PLEKHH2: variants seen among roughly 807,000 people sequenced by gnomAD.
The protein encoded by PLEKHH2 is pleckstrin homology domain-containing family H member 2.
Under a neutral mutation model 187.9 loss-of-function variants are expected in PLEKHH2, and 129 were observed. The observed-to-expected ratio is 0.69, with a 90% CI of 0.59 to 0.79. The LOEUF is 0.79. PLEKHH2 is among the 30% of genes least tolerant of loss of function. PLEKHH2 has a pLI of 0.00. For synonymous variants in PLEKHH2, 686 were observed against 605.6 expected, an observed-to-expected ratio of 1.13 and a Z score of -1.95; for missense variants, 2,076 against 1,751.2, an observed-to-expected ratio of 1.19 and a Z score of -3.31.
chr2:43,744,026 A>C (rs2104600771), intron 23 of PLEKHH2, 37 bp downstream of exon 23: 1 of 1,598,342 alleles, frequency 6.3e-7, no homozygotes, highest in Non-Finnish European at 8.6e-7. Context: ...AAGCCCAACG[A>C]ACAGCAAAGA....
chr2:43,641,847 A>G (rs1399341353), intron 1 of PLEKHH2, among the ~76,000 whole-genome samples: 4 of 152,218 alleles, frequency 2.6e-5, no homozygotes, highest in African/African-American at 9.6e-5. Flanking sequence ...CTATATATCT[A>G]TCTTTATGCA....
intron 1 of PLEKHH2, 56 bp downstream of exon 1, chr2:43,637,435 C>T (rs1434983101): frequency 1.3e-5 from 2 of 152,350 alleles, no homozygotes; most frequent in African/African-American, 2.4e-5. Flanking sequence ...CCTGGGATCC[C>T]CGCCCCCTTG....
At chr2:43,672,144 C>CTA (rs1667524606) in intron 2 of PLEKHH2, among the ~76,000 whole-genome samples, 1 of 152,082 alleles carries the variant, frequency 6.6e-6, no homozygotes, top group South Asian at 2.1e-4. Flanking sequence ...ATGAGCTTTG[C>CTA]TATTTTGTCC....
At chr2:43,671,631 T>C (rs1405809403) in intron 2 of PLEKHH2, among the ~76,000 whole-genome samples, 1 of 152,202 alleles carries the variant, frequency 6.6e-6, no homozygotes, top group East Asian at 1.9e-4. Flanking sequence ...CAGAAATTCC[T>C]TGTATTTTTA....
intron 2 of PLEKHH2, chr2:43,676,182 T>C (rs1347630408): frequency 2.5e-6 from 4 of 1,614,006 alleles, no homozygotes; most frequent in Admixed American, 1.7e-5. Context: ...TCCTGTTAGG[T>C]GGACGAAGGT....
At chr2:43,757,057 A>G in intron 25 of PLEKHH2, 62 bp from the exon 26 acceptor site, 1 of 1,292,672 alleles carries the variant, frequency 7.7e-7, no homozygotes. Context: ...AAATAAAACT[A>G]ACTGATTTTC....
At chr2:43,668,025 C>G (rs934007673) in intron 2 of PLEKHH2, among the ~76,000 whole-genome samples, 1 of 152,022 alleles carries the variant, frequency 6.6e-6, no homozygotes, top group Admixed American at 6.6e-5. Context: ...TATTAGCATT[C>G]TTTTTTGTTG....
At chr2:43,678,829 A>G (rs749639713) in intron 2 of PLEKHH2, 34 bp from the exon 3 acceptor site, 4 of 1,509,980 alleles carry the variant, frequency 2.6e-6, no homozygotes, top group Admixed American at 3.8e-5. Context: ...TTCAAAAATA[A>G]ATTTTTGTAT....
intron 15 of PLEKHH2, among the ~76,000 whole-genome samples, chr2:43,713,682 G>A (rs966607562): frequency 6.8e-6 from 1 of 147,662 alleles, no homozygotes; most frequent in Admixed American, 6.7e-5. Flanking sequence ...TTTACAATGA[G>A]TAAGTATTGA....
chr2:43,687,805 T>G (rs954401246), intron 3 of PLEKHH2, among the ~76,000 whole-genome samples: 61 of 151,592 alleles, frequency 4.0e-4, no homozygotes, highest in Non-Finnish European at 8.0e-4. Context: ...TATTTAATTA[T>G]TTTTTTTTCA....
intron 2 of PLEKHH2, among the ~76,000 whole-genome samples, chr2:43,670,606 G>T (rs1212794795): frequency 1.4e-5 from 2 of 145,678 alleles, no homozygotes; most frequent in Non-Finnish European, 3.0e-5. Flanking sequence ...TTGATGTCAG[G>T]TATTGTGAAT....
chr2:43,726,321 A>T lies in PLEKHH2; in HGVS notation c.2591A>T (p.Asp864Val). ...KLWEAKVEEV[D>V]RSCDSDEDYE... Reference sequence around the variant, plus strand: ...TGGGAGGCTAAAGTGGAAGAGGTTGACAGATCTTGTGATTCAGATGAAGAT... The same window carrying T: ...TGGGAGGCTAAAGTGGAAGAGGTTGTCAGATCTTGTGATTCAGATGAAGAT... The change falls in exon 17 of 30, where the codon GAC becomes GTC. Residue 864 changes from aspartate (D) to valine (V), a missense_variant. Coordinates refer to ENST00000282406, the MANE Select transcript of PLEKHH2 (RefSeq NM_172069.4). The T allele has an allele frequency of 6.2e-7, 1 of 1,612,444 alleles. No homozygotes were observed. The highest frequency in any genetic ancestry group is 1.1e-5 in the South Asian group (1 of 91,048).
chr2:43,711,781 C>A, intron 14 of PLEKHH2: 1 of 416,038 alleles, frequency 2.4e-6, no homozygotes, highest in Non-Finnish European at 3.2e-6. Context: ...TAAGTCCCAG[C>A]TGCTCGGGAG....
chr2:43,740,141 T>C (rs1183430268), intron 20 of PLEKHH2, among the ~76,000 whole-genome samples: 1 of 152,178 alleles, frequency 6.6e-6, no homozygotes, highest in Non-Finnish European at 1.5e-5. Flanking sequence ...TTTTTTAATA[T>C]AACGTTTTAA....
At chr2:43,700,719 C>G in intron 8 of PLEKHH2, 111 bp downstream of exon 8, 1 of 1,333,502 alleles carries the variant, frequency 7.5e-7, no homozygotes, top group Non-Finnish European at 1.0e-6. Flanking sequence ...GTGGCGCGAT[C>G]TTGGCTCACT....
chr2:43,744,884 A>AAG (rs1553351324), intron 23 of PLEKHH2, among the ~76,000 whole-genome samples: 33 of 149,476 alleles, frequency 2.2e-4, no homozygotes, highest in African/African-American at 7.9e-4. Context: ...AAAAAAAAAA[A>AAG]AAAGAAAAAG....
In PLEKHH2 at chr2:43,700,096, G is replaced by C; in HGVS notation, c.1138G>C (p.Asp380His). Residue 380 changes from aspartate (D) to histidine (H), a missense_variant, in exon 8 of 30, where the codon GAT becomes CAT. Physicochemically the swap from Asp to His is moderately conservative, Grantham distance 81 (BLOSUM62 -1). Coordinates refer to ENST00000282406, the MANE Select transcript of PLEKHH2 (RefSeq NM_172069.4). ...GNSELSKKEQ[D>H]SSSDELNKKF... ...TTCTGAATTAAGTAAAAAGGAACAA[G>C]ATAGTTCCTCGGATGAACTGAATAA... 1.2e-6 allele frequency: 2 copies of C among 1,614,098 alleles called. No homozygotes were observed. The highest frequency in any genetic ancestry group is 1.7e-6 in the Non-Finnish European group (2 of 1,179,958).
At chr2:43,721,384 A>G (rs1420510987) in intron 16 of PLEKHH2, among the ~76,000 whole-genome samples, 3 of 152,180 alleles carry the variant, frequency 2.0e-5, no homozygotes, top group Non-Finnish European at 4.4e-5. Context: ...TAACATAATG[A>G]TGACTGCTCC....
chr2:43,747,891 TTTC>T (rs1340959690), intron 24 of PLEKHH2, among the ~76,000 whole-genome samples: 5 of 152,232 alleles, frequency 3.3e-5, no homozygotes, highest in Non-Finnish European at 5.9e-5. Context: ...CACTTTAAAA[TTTC>T]TTGTTCTAAT....
Sources: gnomAD v4.1 joint callset for allele counts (sites outside exome capture counted in the v4.1 genomes callset) on GRCh38, gnomAD v4.1.1 for gene constraint, MANE v1.5 for transcripts, NCBI Gene and HGNC (gene_info 2026-07-23, HGNC 2026-07-21) for gene names.